The following RIMS2 variants were observed in gnomAD, a reference collection of about 807,000 sequenced individuals.
RIMS2 encodes regulating synaptic membrane exocytosis protein 2.
In RIMS2, 59 loss-of-function variants were observed where a neutral mutation model predicts 174.4. The observed-to-expected ratio is 0.34, with a 90% CI of 0.27 to 0.42. The LOEUF (loss-of-function observed/expected upper bound fraction) is 0.42, where lower values mean the gene tolerates loss of function less well. Ranked by LOEUF, RIMS2 falls within the 10% of genes least tolerant of loss-of-function variation. The pLI, the probability that RIMS2 is intolerant of heterozygous loss-of-function variation, is 1.00. For synonymous variants in RIMS2, 606 were observed against 572.5 expected, an observed-to-expected ratio of 1.06 and a Z score of -0.84; for missense variants, 1,620 against 1,666.3, an observed-to-expected ratio of 0.97 and a Z score of 0.48.
intron 19 of RIMS2, among the ~76,000 whole-genome samples, chr8:104,076,044 C>T (rs1183132828): frequency 6.6e-6 from 1 of 152,156 alleles, no homozygotes; most frequent in Non-Finnish European, 1.5e-5. Flanking sequence ...GAGGTATTTC[C>T]TTTATCAAGT....
In RIMS2 at chr8:104,099,033, C is replaced by T. The variant is rs569053288; in HGVS notation, c.3334+84418C>T. Among the ~76,000 whole-genome samples, 4 of 152,214 alleles carry T rather than the reference C, an allele frequency of 2.6e-5. No homozygotes were observed. The South Asian group carries it at 6.2e-4, about 24-fold the overall frequency. ...GAGGAATGGATTTTTCAATGATTCA[C>T]GCACCTTTCCATAGCTTAGATGATA... On this transcript the variant is annotated intron_variant, in intron 19 of 23. Transcript: ENST00000504942.
intron 1 of RIMS2, among the ~76,000 whole-genome samples, chr8:103,527,448 T>G (rs1338152115): frequency 6.6e-6 from 1 of 152,230 alleles, no homozygotes; most frequent in Admixed American, 6.5e-5. Flanking sequence ...CTTGCAGGTT[T>G]GTTACATATG....
At chr8:104,093,012 T>C (rs886272180) in intron 19 of RIMS2, among the ~76,000 whole-genome samples, 3 of 152,128 alleles carry the variant, frequency 2.0e-5, no homozygotes, top group African/African-American at 7.2e-5. Context: ...AATTAAACTT[T>C]CTCTTTTCTC....
intron 14 of RIMS2, among the ~76,000 whole-genome samples, chr8:103,947,776 C>T (rs2084185942): frequency 6.6e-6 from 1 of 152,060 alleles, no homozygotes; most frequent in Admixed American, 6.6e-5. Context: ...TTAGGCTACA[C>T]TTTATTTATT....
At chr8:104,089,899 C>T (rs1447843089) in intron 19 of RIMS2, among the ~76,000 whole-genome samples, 2 of 151,436 alleles carry the variant, frequency 1.3e-5, no homozygotes, top group African/African-American at 2.4e-5. Context: ...TCTTATCTCC[C>T]TAGTAAGAAG....
intron 3 of RIMS2, among the ~76,000 whole-genome samples, chr8:103,805,727 CT>C (rs1459907619): frequency 6.6e-6 from 1 of 152,022 alleles, no homozygotes; most frequent in Non-Finnish European, 1.5e-5. Flanking sequence ...TCCACCTGAA[CT>C]TTTTTGTCTA....
chr8:103,679,557 G>T (rs1249380372), intron 1 of RIMS2, among the ~76,000 whole-genome samples: 1 of 151,846 alleles, frequency 6.6e-6, no homozygotes, highest in Non-Finnish European at 1.5e-5. Flanking sequence ...AAACTAAGTG[G>T]CTGGGGAAAA....
At chr8:104,035,246 A>G (rs2096489712) in intron 19 of RIMS2, among the ~76,000 whole-genome samples, 1 of 142,480 alleles carries the variant, frequency 7.0e-6, no homozygotes, top group Non-Finnish European at 1.5e-5. Context: ...TATATGGAAA[A>G]TAACTGTTTT....
chr8:104,160,510 T>G (rs1223396879), intron 19 of RIMS2, among the ~76,000 whole-genome samples: 1 of 152,216 alleles, frequency 6.6e-6, no homozygotes, highest in Non-Finnish European at 1.5e-5. Context: ...TTATTGTTTA[T>G]GGAAATAAGT....
intron 1 of RIMS2, among the ~76,000 whole-genome samples, chr8:103,613,102 G>C (rs899247439): frequency 3.3e-5 from 5 of 152,198 alleles, no homozygotes; most frequent in African/African-American, 1.2e-4. Context: ...GGTAAAGGCA[G>C]ACAGGTTTGG....
At chr8:104,090,360 A>G (rs2097628166) in intron 19 of RIMS2, among the ~76,000 whole-genome samples, 1 of 151,780 alleles carries the variant, frequency 6.6e-6, no homozygotes, top group Non-Finnish European at 1.5e-5. Context: ...TAAAGCCTTT[A>G]TGCACCTATG....
intron 3 of RIMS2, among the ~76,000 whole-genome samples, chr8:103,867,122 A>T (rs2099087947): frequency 6.6e-6 from 1 of 151,956 alleles, no homozygotes; most frequent in African/African-American, 2.4e-5. Flanking sequence ...AAACTTTAAA[A>T]TTTCAGTTAA....
Position 103,552,146 on chromosome 8 carries a change from A to G in RIMS2, c.176+51084A>G, listed in dbSNP as rs550833545. ...CAAAAAAGATTCCATATTGGCAAGAATATCCTAAGCCAAAAAAACAAAGCT... is the reference window on the plus strand; with the variant it reads ...CAAAAAAGATTCCATATTGGCAAGAGTATCCTAAGCCAAAAAAACAAAGCT... On this transcript the variant is annotated intron_variant, in intron 1 of 23. Transcript: ENST00000504942. Among the ~76,000 whole-genome samples the G allele has an allele frequency of 3.6e-3, 544 of 152,128 alleles. 3 individuals carry two copies. The highest frequency in any genetic ancestry group is 0.012 in the African/African-American group (518 of 41,548).
chr8:103,619,973 TA>T (rs1330519747), intron 1 of RIMS2, among the ~76,000 whole-genome samples: 1 of 152,172 alleles, frequency 6.6e-6, no homozygotes, highest in African/African-American at 2.4e-5. Context: ...TATACATCTA[TA>T]AATGGACTTA....
At chr8:103,854,052 C>A (rs2099013589) in intron 3 of RIMS2, among the ~76,000 whole-genome samples, 1 of 151,674 alleles carries the variant, frequency 6.6e-6, no homozygotes, top group Non-Finnish European at 1.5e-5. Flanking sequence ...TTGTGTAGAC[C>A]CTGATTTGTT....
At chr8:103,791,886 A>G (rs992766758) in intron 3 of RIMS2, among the ~76,000 whole-genome samples, 4 of 152,194 alleles carry the variant, frequency 2.6e-5, no homozygotes, top group Non-Finnish European at 5.9e-5. Flanking sequence ...CTAAATATAT[A>G]TATACTCAAT....
At chr8:103,522,188 G>A (rs948522305) in intron 1 of RIMS2, among the ~76,000 whole-genome samples, 1 of 152,006 alleles carries the variant, frequency 6.6e-6, no homozygotes, top group Non-Finnish European at 1.5e-5. Context: ...GTCTTTAGGG[G>A]ATTCCTTCAG....
chr8:103,530,837 ATTGAC>A (rs999760957), intron 1 of RIMS2, among the ~76,000 whole-genome samples: 21 of 152,130 alleles, frequency 1.4e-4, no homozygotes, highest in African/African-American at 5.1e-4. Flanking sequence ...TCATAATGAT[ATTGAC>A]TGGGAGGCAG....
rs2098957178 is a variant in RIMS2 at position 103,844,418 on chromosome 8, T to A, written c.699-40880T>A. Among the ~76,000 whole-genome samples, 4 of 152,366 alleles carry A rather than the reference T, an allele frequency of 2.6e-5. No homozygotes were observed. In the South Asian group the frequency reaches 8.3e-4, roughly 32 times the overall value. On this transcript the variant is annotated intron_variant, in intron 3 of 23. Coordinates refer to ENST00000504942, the Ensembl canonical transcript of RIMS2. ...ATTTCATTAAAGGTTTTAAGAGATT[T>A]ACTTCAGCTGTACTCAAACTGAACT... is the stretch of plus-strand genomic sequence containing the variant.
Sources: allele counts gnomAD v4.1 joint callset (sites outside exome capture counted in the v4.1 genomes callset), GRCh38; gene constraint gnomAD v4.1.1; transcripts MANE v1.5; gene names NCBI Gene and HGNC (gene_info 2026-07-23, HGNC 2026-07-21).